Variants in UGT2B4 observed in about 807,000 individuals in gnomAD.
UGT2B4 encodes UDP-glucuronosyltransferase 2B4.
A neutral mutation model predicts 49.8 loss-of-function variants in UGT2B4; 49 were observed. The ratio of observed to expected loss-of-function variants is 0.98; its 90% CI spans 0.78 to 1.25. UGT2B4 has a LOEUF of 1.25. Among genes scored for constraint, UGT2B4 ranks in the 50% most tolerant of loss-of-function variants. The pLI, the probability that UGT2B4 is intolerant of heterozygous loss-of-function variation, is 0.00. For missense variants in UGT2B4, 729 were observed against 627.7 expected, an observed-to-expected ratio of 1.16 and a Z score of -1.73; for synonymous variants, 246 against 217.7, an observed-to-expected ratio of 1.13 and a Z score of -1.14.
At chr4:69,513,362 T>A (rs1185977637) in intron 1 of UGT2B4, among the ~76,000 whole-genome samples, 1 of 152,162 alleles carries the variant, frequency 6.6e-6, no homozygotes, top group African/African-American at 2.4e-5. Flanking sequence ...ATTATTTTAT[T>A]TTGTCAAGTT....
At chr4:69,509,933 C>T (rs1728567291) in intron 1 of UGT2B4, among the ~76,000 whole-genome samples, 1 of 151,934 alleles carries the variant, frequency 6.6e-6, no homozygotes, top group Non-Finnish European at 1.5e-5. Flanking sequence ...TTGTCCAGAC[C>T]AATGTTATGA....
intron 1 of UGT2B4, among the ~76,000 whole-genome samples, chr4:69,510,977 C>CCTT (rs1486311871): frequency 2.0e-5 from 2 of 98,168 alleles, no homozygotes; most frequent in Admixed American, 1.2e-4. Context: ...AATACTCTTT[C>CCTT]TTTTCTTTTC....
chr4:69,508,652 A>T (rs575814134), intron 1 of UGT2B4, among the ~76,000 whole-genome samples: 1 of 152,300 alleles, frequency 6.6e-6, no homozygotes, highest in African/African-American at 2.4e-5. Context: ...CAGCTAAATG[A>T]TGAGAACACA....
At chr4:69,515,763 T>C (rs551787692) in intron 1 of UGT2B4, among the ~76,000 whole-genome samples, 1 of 152,016 alleles carries the variant, frequency 6.6e-6, no homozygotes, top group Admixed American at 6.5e-5. Flanking sequence ...CACCACTAGC[T>C]AGACTAATAA....
intron 1 of UGT2B4, among the ~76,000 whole-genome samples, chr4:69,518,805 G>T (rs911572214): frequency 6.6e-6 from 1 of 152,068 alleles, no homozygotes; most frequent in Non-Finnish European, 1.5e-5. Flanking sequence ...ACTACCCAAT[G>T]ATTTAATAAT....
intron 2 of UGT2B4, among the ~76,000 whole-genome samples, chr4:69,492,261 C>T (rs1202298498): frequency 6.6e-6 from 1 of 152,018 alleles, no homozygotes; most frequent in Non-Finnish European, 1.5e-5. Flanking sequence ...GCAGAAAACA[C>T]CTGCTCTAAT....
At chr4:69,508,665 G>C (rs1024429867) in intron 1 of UGT2B4, among the ~76,000 whole-genome samples, 1 of 152,110 alleles carries the variant, frequency 6.6e-6, no homozygotes, top group Non-Finnish European at 1.5e-5. Context: ...AGAACACATG[G>C]ACACATAGAA....
At chr4:69,485,160 G>A (rs772245310) in intron 5 of UGT2B4, 48 bp downstream of exon 5, 2 of 1,595,818 alleles carry the variant, frequency 1.3e-6, no homozygotes, top group Non-Finnish European at 1.7e-6. Context: ...CTATTCACAA[G>A]GGAACCTATC....
upstream of UGT2B4, among the ~76,000 whole-genome samples, chr4:69,498,312 G>A (rs1001734751): frequency 1.3e-5 from 2 of 152,114 alleles, no homozygotes; most frequent in Non-Finnish European, 2.9e-5. Flanking sequence ...ATTATAAGTG[G>A]GGGAGTGGGC....
intron 1 of UGT2B4, among the ~76,000 whole-genome samples, chr4:69,524,270 C>T (rs74824174): frequency 0.14 from 22,042 of 152,090 alleles, 1,889 homozygotes; most frequent in Non-Finnish European, 0.19. Context: ...CCTCACTTAT[C>T]TTAATAATTT....
chr4:69,501,404 A>G (rs184021548), intron 1 of UGT2B4, among the ~76,000 whole-genome samples: 299 of 152,222 alleles, frequency 2.0e-3, no homozygotes, highest in Admixed American at 4.0e-3. Flanking sequence ...TTCTCCCGCC[A>G]CTAGAGATTT....
At chr4:69,500,645 GA>G (rs1377411419), upstream of UGT2B4, among the ~76,000 whole-genome samples, 2 of 140,032 alleles carry the variant, frequency 1.4e-5, no homozygotes, top group African/African-American at 5.0e-5. Context: ...AAGAAAGAAA[GA>G]AAGAAAGAAA....
chr4:69,493,626 T>C (rs1728057642), intron 2 of UGT2B4, 67 bp downstream of exon 2: 3 of 1,515,018 alleles, frequency 2.0e-6, no homozygotes, highest in Non-Finnish European at 2.6e-6. Flanking sequence ...AGTCAAACAC[T>C]TTGAATGAAT....
chr4:69,524,481 A>G (rs965676694), intron 1 of UGT2B4, among the ~76,000 whole-genome samples: 1 of 151,876 alleles, frequency 6.6e-6, no homozygotes, highest in Admixed American at 6.6e-5. Flanking sequence ...GATATCTTAT[A>G]TGGGCATAAT....
chr4:69,496,518 C>T (rs778814741), upstream of UGT2B4, among the ~76,000 whole-genome samples: 5 of 152,152 alleles, frequency 3.3e-5, no homozygotes, highest in Admixed American at 1.3e-4. Flanking sequence ...AATTTGTTGA[C>T]GTATAATTCA....
chr4:69,515,885 A>G (rs1428509787), intron 1 of UGT2B4, among the ~76,000 whole-genome samples: 1 of 152,234 alleles, frequency 6.6e-6, no homozygotes, highest in African/African-American at 2.4e-5. Context: ...CAGGATGTGC[A>G]GGTTTGTTAC....
chr4:69,483,047 C>T (rs1010689065), intron 5 of UGT2B4, among the ~76,000 whole-genome samples: 6 of 152,006 alleles, frequency 3.9e-5, no homozygotes, highest in African/African-American at 7.2e-5. Flanking sequence ...TAGCAATAGG[C>T]TTACAAATTT....
chr4:69,506,946 T>C (rs771931232), intron 1 of UGT2B4, among the ~76,000 whole-genome samples: 16 of 152,124 alleles, frequency 1.1e-4, no homozygotes, highest in Non-Finnish European at 2.1e-4. Context: ...ATGTGACTCT[T>C]CATATAAACA....
At chr4:69,516,789 G>A (rs1728745382) in intron 1 of UGT2B4, among the ~76,000 whole-genome samples, 1 of 151,938 alleles carries the variant, frequency 6.6e-6, no homozygotes, top group Non-Finnish European at 1.5e-5. Flanking sequence ...TGTATTTTTA[G>A]TAGAGATGGG....
Sources: gnomAD v4.1 joint callset for allele counts (sites outside exome capture counted in the v4.1 genomes callset) on GRCh38, gnomAD v4.1.1 for gene constraint, MANE v1.5 for transcripts, NCBI Gene and HGNC (gene_info 2026-07-23, HGNC 2026-07-21) for gene names.